Variants in POLR3B observed in about 807,000 individuals in gnomAD.
POLR3B encodes DNA-directed RNA polymerase III subunit RPC2.
A neutral mutation model predicts 147.4 loss-of-function variants in POLR3B; 96 were observed. That is an observed-to-expected ratio of 0.65 (90% CI 0.55 to 0.77). The LOEUF (loss-of-function observed/expected upper bound fraction) is 0.77, where lower values mean the gene tolerates loss of function less well. Ranked by LOEUF, POLR3B falls within the 30% of genes least tolerant of loss-of-function variation. POLR3B has a pLI of 0.00. For missense variants in POLR3B, 1,036 were observed against 1,413.5 expected, an observed-to-expected ratio of 0.73 and a Z score of 4.28; for synonymous variants, 461 against 485.9, an observed-to-expected ratio of 0.95 and a Z score of 0.67.
chr12:106,363,271 C>T (rs1251033453), intron 1 of POLR3B, among the ~76,000 whole-genome samples: 2 of 152,204 alleles, frequency 1.3e-5, no homozygotes, highest in Non-Finnish European at 2.9e-5. Flanking sequence ...GACATTTCCA[C>T]CTGAATGTCT....
chr12:106,479,347 A>G (rs1469229438), intron 23 of POLR3B, among the ~76,000 whole-genome samples: 1 of 151,212 alleles, frequency 6.6e-6, no homozygotes, highest in Non-Finnish European at 1.5e-5. Flanking sequence ...TAAATTTCTA[A>G]TTAAATGTTT....
rs1453448570 is a variant in POLR3B at position 106,468,723 on chromosome 12, G to A, written c.2713+5103G>A. Among the ~76,000 whole-genome samples the A allele has an allele frequency of 2.6e-5, 4 of 152,244 alleles. No homozygotes were observed. In the East Asian group the frequency reaches 7.7e-4, roughly 29 times the overall value. On this transcript the variant is annotated intron_variant, in intron 23 of 27. Transcript: ENST00000228347. ...TTACCCCATAGTCATTCAGGAGCAGGTGGTTCAGTTTCCATGAGTTGTGTG... is the reference window on the plus strand; with the variant it reads ...TTACCCCATAGTCATTCAGGAGCAGATGGTTCAGTTTCCATGAGTTGTGTG...
chr12:106,472,122 T>A (rs1165618359), intron 23 of POLR3B, among the ~76,000 whole-genome samples: 1 of 132,214 alleles, frequency 7.6e-6, no homozygotes, highest in African/African-American at 3.0e-5. Context: ...GTTTGGTTTT[T>A]TGTTCTTGCG....
intron 14 of POLR3B, among the ~76,000 whole-genome samples, chr12:106,432,017 A>G (rs2037516911): frequency 3.3e-5 from 5 of 152,164 alleles, no homozygotes; most frequent in Admixed American, 3.3e-4. Flanking sequence ...GTAATTGTTA[A>G]TGTAATCAGT....
chr12:106,493,223 A>G (rs952459216), intron 23 of POLR3B, among the ~76,000 whole-genome samples: 2 of 152,254 alleles, frequency 1.3e-5, no homozygotes, highest in Admixed American at 1.3e-4. Flanking sequence ...CATATCATTT[A>G]CATTTTAAAC....
intron 11 of POLR3B, among the ~76,000 whole-genome samples, chr12:106,407,035 C>A (rs2037159989): frequency 6.6e-6 from 1 of 152,176 alleles, no homozygotes; most frequent in Admixed American, 6.5e-5. Flanking sequence ...TATTAAAACA[C>A]CCTTCAATCC....
rs760269619 is a variant in POLR3B, at chr12:106,427,332, A to G, written c.1237A>G (p.Asn413Asp). 1 of 1,613,876 alleles carries G rather than the reference A, an allele frequency of 6.2e-7. No homozygotes were observed. The highest frequency in any genetic ancestry group is 8.5e-7 in the Non-Finnish European group (1 of 1,179,826). Reference protein sequence around the residue: ...VKHMRQDQITNGMVNAISTGN... With the variant: ...VKHMRQDQITDGMVNAISTGN... ...ACACATGCGCCAAGACCAGATCACC[A>G]ATGGCATGGTGAATGCTATTTCTAC... Residue 413 changes from asparagine (N) to aspartate (D), a missense_variant, in exon 13 of 28, where the codon AAT becomes GAT. Around this residue, in one of 12 missense-constraint regions of POLR3B, gnomAD observed 89 missense variants for 110.9 expected, o/e 0.80. Coordinates refer to ENST00000228347, the MANE Select transcript of POLR3B (RefSeq NM_018082.6).
At chr12:106,449,016 T>A in intron 19 of POLR3B, among the ~76,000 whole-genome samples, 1 of 152,294 alleles carries the variant, frequency 6.6e-6, no homozygotes, top group African/African-American at 2.4e-5. Flanking sequence ...CGTTACTTAT[T>A]ACAGGTTGAA....
rs200497639 is a variant in POLR3B at position 106,454,626 on chromosome 12, A to T, written c.2208A>T (p.Gly736=). ...ELIEFEKLPA[G]QNATVAVMSY... The stretch of plus-strand genomic sequence containing the variant: ...TAGAATTTGAGAAACTGCCAGCTGG[A>T]CAGAATGCAACAGTTGCTGTGATGA... The change falls in exon 20 of 28, where the codon GGA becomes GGT. Residue 736 remains glycine, a synonymous_variant. Transcript: ENST00000228347. The T allele has an allele frequency of 3.7e-6, 6 of 1,611,760 alleles. No homozygotes were observed. The highest frequency in any genetic ancestry group is 5.1e-6 in the Non-Finnish European group (6 of 1,178,108).
rs116655784 is a variant in POLR3B at position 106,430,982 on chromosome 12, C to T, written c.1464+509C>T. 1.1e-3 allele frequency among the ~76,000 whole-genome samples: 172 copies of T among 152,288 alleles called. 2 individuals carry two copies. The highest frequency in any genetic ancestry group is 4.0e-3 in the African/African-American group (167 of 41,570). ...TACATGGGTTTACTTCTATAGCACCCGCTACTCCCTGTGTCACGGTCCTTT... is the reference window on the plus strand; with the variant it reads ...TACATGGGTTTACTTCTATAGCACCTGCTACTCCCTGTGTCACGGTCCTTT... On this transcript the variant is annotated intron_variant, in intron 14 of 27. Coordinates refer to ENST00000228347, the MANE Select transcript of POLR3B (RefSeq NM_018082.6).
At chr12:106,469,563 G>T (rs1189053939) in intron 23 of POLR3B, among the ~76,000 whole-genome samples, 3 of 152,128 alleles carry the variant, frequency 2.0e-5, no homozygotes, top group African/African-American at 7.2e-5. Flanking sequence ...TTTACAATTT[G>T]GCATGTTTTT....
intron 23 of POLR3B, among the ~76,000 whole-genome samples, chr12:106,490,033 G>A (rs546192139): frequency 8.5e-5 from 13 of 152,190 alleles, no homozygotes; most frequent in East Asian, 7.7e-4. Flanking sequence ...GGGTTTCTTC[G>A]TCCACACAGA....
At chr12:106,420,315 T>C (rs2037358135) in intron 12 of POLR3B, among the ~76,000 whole-genome samples, 2 of 152,180 alleles carry the variant, frequency 1.3e-5, no homozygotes, top group Non-Finnish European at 2.9e-5. Context: ...TTTTCTTCCT[T>C]GGGTTCTCTC....
chr12:106,457,428 A>G (rs2037879221), intron 21 of POLR3B, 132 bp downstream of exon 21: 1 of 702,132 alleles, frequency 1.4e-6, no homozygotes, highest in Non-Finnish European at 2.5e-6. Flanking sequence ...AACTCAACCA[A>G]TGAGGTCATT....
chr12:106,382,744 A>C (rs1247083276), intron 9 of POLR3B, among the ~76,000 whole-genome samples: 1 of 152,208 alleles, frequency 6.6e-6, no homozygotes, highest in Non-Finnish European at 1.5e-5. Context: ...TTTCATTGGT[A>C]GGGCACATGC....
At chr12:106,394,282 G>A (rs533105498) in intron 10 of POLR3B, among the ~76,000 whole-genome samples, 114 of 152,268 alleles carry the variant, frequency 7.5e-4, no homozygotes, top group Middle Eastern at 3.4e-3. Context: ...CAGTTACAGG[G>A]CAGGCAGCAC....
At position 106,442,404 on chromosome 12, in the gene POLR3B, A is replaced by G. The variant is rs1170968107; in HGVS notation, c.1956-2059A>G. 3.9e-5 allele frequency among the ~76,000 whole-genome samples: 6 copies of G among 152,208 alleles called. No individual in the cohort carries two copies. The South Asian group carries it at 1.2e-3, about 32-fold the overall frequency. ...AAGAAAATCTGTTTTCTTCTAGACT[A>G]TAAAATGTAGCTATAAGCTGATGTT... On this transcript the variant is annotated intron_variant, in intron 18 of 27. Coordinates refer to ENST00000228347, the MANE Select transcript of POLR3B (RefSeq NM_018082.6).
chr12:106,460,953 C>T (rs1311287185), intron 22 of POLR3B, among the ~76,000 whole-genome samples: 1 of 152,118 alleles, frequency 6.6e-6, no homozygotes, highest in Non-Finnish European at 1.5e-5. Context: ...GAGCAATCAT[C>T]TTGTCGTCTC....
chr12:106,430,960 A>G (rs953994525), intron 14 of POLR3B, among the ~76,000 whole-genome samples: 13 of 152,170 alleles, frequency 8.5e-5, no homozygotes, highest in Admixed American at 7.9e-4. Context: ...GGGAGTTTAC[A>G]TGGGTTTACT....
Sources: gnomAD v4.1 joint callset for allele counts (sites outside exome capture counted in the v4.1 genomes callset) on GRCh38, gnomAD v4.1.1 for gene constraint, gnomAD v4.1.1 regional missense constraint, MANE v1.5 for transcripts, NCBI Gene and HGNC (gene_info 2026-07-23, HGNC 2026-07-21) for gene names.